The following KLF17 variants were observed in gnomAD, a reference collection of about 807,000 sequenced individuals.
The protein encoded by KLF17 is Krueppel-like factor 17.
In KLF17, 31 loss-of-function variants were observed where a neutral mutation model predicts 34.2. That is an observed-to-expected ratio of 0.91 (90% confidence interval 0.68 to 1.22). The LOEUF (loss-of-function observed/expected upper bound fraction) is 1.22, where lower values mean the gene tolerates loss of function less well. Ranked by LOEUF, KLF17 falls within the 50% of genes most tolerant of loss-of-function variation. KLF17 has a pLI of 0.00. For synonymous variants in KLF17, 179 were observed against 186.7 expected (o/e 0.96, Z 0.34); for missense variants, 478 against 505.2 (o/e 0.95, Z 0.52).
At chr1:44,053,331 G>T in the KLF17 span, among the ~76,000 whole-genome samples, 1 of 152,270 alleles carries the variant, frequency 6.6e-6, no homozygotes, top group Admixed American at 6.5e-5. Context: ...GCTAGCTGTA[G>T]AACATGTCTG....
At chr1:44,103,373 G>T in the KLF17 span, 3 of 755,592 alleles carry the variant, frequency 4.0e-6, no homozygotes, top group African/African-American at 1.7e-5. Flanking sequence ...TGCAGGTCTG[G>T]ATCTTCTTCA....
the KLF17 span, among the ~76,000 whole-genome samples, chr1:44,085,058 G>A: frequency 6.6e-6 from 1 of 151,508 alleles, no homozygotes; most frequent in African/African-American, 2.4e-5. Context: ...CATTCATTCA[G>A]TGAATGTTTA....
rs1263627103 is a variant in KLF17 at position 44,122,167 on chromosome 1, C to T, written c.81+3179C>T. 4.4e-6 allele frequency: 7 copies of T among 1,580,854 alleles called. No homozygotes were observed. In the Admixed American group the frequency reaches 1.0e-4, roughly 23 times the overall value. Reference sequence around the variant, plus strand: ...CCTGAGAGACATTATCGCCTAGGACCCCCTCTTCCTCTGCCACGGCCACGT... The same window carrying T: ...CCTGAGAGACATTATCGCCTAGGACTCCCTCTTCCTCTGCCACGGCCACGT... On this transcript the variant is annotated intron_variant, in intron 1 of 3. Coordinates refer to ENST00000372299, the MANE Select transcript of KLF17 (RefSeq NM_173484.4).
At chr1:44,100,632 T>C in the KLF17 span, among the ~76,000 whole-genome samples, 2 of 138,020 alleles carry the variant, frequency 1.4e-5, no homozygotes, top group Admixed American at 1.5e-4. Flanking sequence ...GTTTTTGTTT[T>C]TGTTTTTGTT....
chr1:44,074,952 ATTGC>A, the KLF17 span: 3 of 152,210 alleles, frequency 2.0e-5, no homozygotes, highest in African/African-American at 7.2e-5. Flanking sequence ...GGCTTCTCGC[ATTGC>A]TCACCAGGTT....
chr1:44,112,576 A>G, the KLF17 span, among the ~76,000 whole-genome samples: 1 of 151,328 alleles, frequency 6.6e-6, no homozygotes, highest in Non-Finnish European at 1.5e-5. Context: ...GGCCATTTTT[A>G]TTGTTTATTT....
At chr1:44,097,812 G>C in the KLF17 span, among the ~76,000 whole-genome samples, 278 of 151,970 alleles carry the variant, frequency 1.8e-3, no homozygotes, top group African/African-American at 6.3e-3. Context: ...GATTTTTTTA[G>C]TTTTTAACAT....
At chr1:44,096,406 T>C in the KLF17 span, among the ~76,000 whole-genome samples, 10 of 149,000 alleles carry the variant, frequency 6.7e-5, no homozygotes, top group African/African-American at 2.2e-4. Context: ...TTATTTTTCT[T>C]TTTTTTTTTT....
the KLF17 span, among the ~76,000 whole-genome samples, chr1:44,077,768 G>T: frequency 2.6e-5 from 4 of 152,182 alleles, no homozygotes; most frequent in Non-Finnish European, 5.9e-5. Flanking sequence ...GGCTTCAAAG[G>T]CGAGTGTCCC....
intron 1 of KLF17, among the ~76,000 whole-genome samples, chr1:44,119,632 G>C (rs527455496): frequency 5.9e-5 from 9 of 152,264 alleles, no homozygotes; most frequent in Admixed American, 4.6e-4. Flanking sequence ...GGAGGCTTAG[G>C]AGACAGCTGA....
the KLF17 span, among the ~76,000 whole-genome samples, chr1:44,074,225 C>T: frequency 0.38 from 58,356 of 151,616 alleles, 11,951 homozygotes; most frequent in East Asian, 0.55. Flanking sequence ...GTACCATCCT[C>T]ACCCCATGTG....
chr1:44,080,187 A>G, the KLF17 span, among the ~76,000 whole-genome samples: 2 of 150,150 alleles, frequency 1.3e-5, no homozygotes, highest in Non-Finnish European at 2.9e-5. Flanking sequence ...TTAGCCTCCC[A>G]AAGTGCTAAG....
chr1:44,127,704 C>CTTTCTTCTCTTTTCTTTCTTTCTTCTCT (rs1557732063), intron 1 of KLF17, among the ~76,000 whole-genome samples: 3 of 105,462 alleles, frequency 2.8e-5, no homozygotes, highest in Non-Finnish European at 5.6e-5. Context: ...TTCTTTCTTT[C>CTTTCTTCTCTTTTCTTTCTTTCTTCTCT]TTTCTTTCTT....
the KLF17 span, among the ~76,000 whole-genome samples, chr1:44,080,713 A>ATT: frequency 0.021 from 1,967 of 92,608 alleles, 59 homozygotes; most frequent in South Asian, 0.044. Flanking sequence ...ATTATATTGA[A>ATT]TTTTTTTTTT....
chr1:44,098,582 G>T, the KLF17 span, among the ~76,000 whole-genome samples: 1 of 126,004 alleles, frequency 7.9e-6, no homozygotes, highest in African/African-American at 3.0e-5. Flanking sequence ...ACTGAGTCTC[G>T]TCCTGTCACC....
At position 44,118,996 on chromosome 1, in the gene KLF17, A is replaced by G; in HGVS notation, c.81+8A>G. 1.3e-6 allele frequency: 2 copies of G among 1,599,082 alleles called. No homozygotes were observed. The highest frequency in any genetic ancestry group is 1.7e-6 in the Non-Finnish European group (2 of 1,173,206). ...GCGCACCAGGCTGCCCAGGTGAGTC[A>G]GGTGCCAGCCCCTGGCAGGCCGGGC... On this transcript the variant is annotated splice_region_variant and intron_variant, in intron 1 of 3. Coordinates refer to ENST00000372299, the MANE Select transcript of KLF17 (RefSeq NM_173484.4).
upstream of KLF17, among the ~76,000 whole-genome samples, chr1:44,118,462 G>A (rs2087903770): frequency 6.6e-6 from 1 of 152,176 alleles, no homozygotes; most frequent in Admixed American, 6.5e-5. Context: ...TGCTGGTGGA[G>A]GCTCTCCTAT....
chr1:44,088,014 G>T, the KLF17 span: 1 of 218,028 alleles, frequency 4.6e-6, no homozygotes, highest in South Asian at 8.2e-5. Flanking sequence ...CATGGACTCA[G>T]ACAGGACAAA....
chr1:44,102,321 G>T, the KLF17 span, among the ~76,000 whole-genome samples: 2 of 151,998 alleles, frequency 1.3e-5, no homozygotes, highest in Non-Finnish European at 2.9e-5. Flanking sequence ...ATCACTTAAG[G>T]CGGACAGATC....
Sources: gnomAD v4.1 joint callset for allele counts (sites outside exome capture counted in the v4.1 genomes callset) on GRCh38, gnomAD v4.1.1 for gene constraint, MANE v1.5 for transcripts, NCBI Gene and HGNC (gene_info 2026-07-23, HGNC 2026-07-21) for gene names.